The following CSMD1 variants were observed in gnomAD, a reference collection of about 807,000 sequenced individuals.
The protein encoded by CSMD1 is CUB and sushi domain-containing protein 1.
Under a neutral mutation model 417.5 loss-of-function variants are expected in CSMD1, and 213 were observed. That is an observed-to-expected ratio of 0.51 (90% CI 0.46 to 0.57). The LOEUF (loss-of-function observed/expected upper bound fraction) is 0.57, where lower values mean the gene tolerates loss of function less well. Among genes scored for constraint, CSMD1 ranks in the 20% least tolerant of loss-of-function variants. The pLI, the probability that CSMD1 is intolerant of heterozygous loss-of-function variation, is 0.00. For synonymous variants in CSMD1, 2,862 were observed against 1,736.8 expected (o/e 1.65, Z -16.11); for missense variants, 6,923 against 4,529.7 (o/e 1.53, Z -15.17).
At chr8:3,039,650 A>C (rs537439929) in intron 50 of CSMD1, among the ~76,000 whole-genome samples, 10 of 152,230 alleles carry the variant, frequency 6.6e-5, no homozygotes, top group African/African-American at 2.2e-4. Flanking sequence ...TATAAGCCCT[A>C]AATGACCTCG....
chr8:4,824,081 TCC>T (rs1491346347), intron 1 of CSMD1, among the ~76,000 whole-genome samples: 6 of 80,940 alleles, frequency 7.4e-5, no homozygotes, highest in South Asian at 4.2e-4. Context: ...CAAATAAATA[TCC>T]ACACACACAC....
intron 2 of CSMD1, among the ~76,000 whole-genome samples, chr8:4,614,119 TA>T (rs563458011): frequency 6.6e-6 from 1 of 152,056 alleles, no homozygotes; most frequent in South Asian, 2.1e-4. Context: ...AGAGATGCAA[TA>T]AAAACAATGA....
chr8:3,096,827 T>C lies in CSMD1; in HGVS notation c.7138+22A>G, dbSNP rs79386922. Reference sequence around the variant, plus strand: ...ATCAATGATGCCGAGGTCACTGCTCTACAAAGATTAAAGAAACTTACCATC... The same window carrying C: ...ATCAATGATGCCGAGGTCACTGCTCCACAAAGATTAAAGAAACTTACCATC... On this transcript the variant is annotated intron_variant, in intron 47 of 69. Coordinates refer to ENST00000635120, the MANE Select transcript of CSMD1 (RefSeq NM_033225.6). 1,310 of 1,499,824 alleles carry C rather than the reference T, an allele frequency of 8.7e-4. 6 individuals are homozygous for C. In the African/African-American group the frequency reaches 0.015, roughly 17 times the overall value. The allele number at this position is 1,499,824 out of a possible 1,614,324, so 92.9% of individuals were successfully genotyped here.
At chr8:3,914,265 G>A (rs1264824108) in intron 5 of CSMD1, among the ~76,000 whole-genome samples, 2 of 152,126 alleles carry the variant, frequency 1.3e-5, no homozygotes, top group Non-Finnish European at 2.9e-5. Flanking sequence ...TAGAGAGGTT[G>A]CATACTTTGG....
chr8:3,617,576 A>T (rs1802204502), intron 7 of CSMD1, among the ~76,000 whole-genome samples: 1 of 152,204 alleles, frequency 6.6e-6, no homozygotes, highest in African/African-American at 2.4e-5. Context: ...ACATTACAGG[A>T]TGCTAATAAA....
At chr8:3,543,322 G>C (rs956088752) in intron 10 of CSMD1, among the ~76,000 whole-genome samples, 1 of 152,166 alleles carries the variant, frequency 6.6e-6, no homozygotes, top group African/African-American at 2.4e-5. Context: ...TAGGGAGTGA[G>C]GTGAAAAGTC....
intron 1 of CSMD1, among the ~76,000 whole-genome samples, chr8:4,811,861 G>A (rs561460360): frequency 1.3e-5 from 2 of 152,024 alleles, no homozygotes; most frequent in South Asian, 2.1e-4. Context: ...TGAAATCAGT[G>A]CCACAGCTGC....
At chr8:3,165,335 T>A (rs1227682869) in intron 37 of CSMD1, among the ~76,000 whole-genome samples, 1 of 152,304 alleles carries the variant, frequency 6.6e-6, no homozygotes, top group Admixed American at 6.5e-5. Context: ...ATACTTTGCA[T>A]TTCTCTCATA....
intron 1 of CSMD1, among the ~76,000 whole-genome samples, chr8:4,978,256 G>A (rs79082223): frequency 2.0e-5 from 3 of 152,104 alleles, no homozygotes; most frequent in Non-Finnish European, 4.4e-5. Context: ...GTGTTCAAAG[G>A]GGGGACAGGC....
At chr8:4,112,415 A>C (rs1801904853) in intron 3 of CSMD1, among the ~76,000 whole-genome samples, 1 of 152,180 alleles carries the variant, frequency 6.6e-6, no homozygotes, top group African/African-American at 2.4e-5. Flanking sequence ...CTTGCCAGTA[A>C]ATATTTAATA....
chr8:3,896,221 C>G (rs1348411424), intron 5 of CSMD1, among the ~76,000 whole-genome samples: 3 of 152,140 alleles, frequency 2.0e-5, no homozygotes, highest in Non-Finnish European at 4.4e-5. Context: ...AATTCTATAG[C>G]CTGGTTGCTG....
At chr8:3,912,902 T>A (rs1427490386) in intron 5 of CSMD1, among the ~76,000 whole-genome samples, 2 of 152,150 alleles carry the variant, frequency 1.3e-5, no homozygotes, top group African/African-American at 4.8e-5. Context: ...GATCAATTAA[T>A]CAGCAGCTAT....
intron 5 of CSMD1, among the ~76,000 whole-genome samples, chr8:3,780,555 A>G (rs1799120480): frequency 6.6e-6 from 1 of 152,152 alleles, no homozygotes. Context: ...GCTTCAACAA[A>G]CTACTATTTT....
At chr8:4,402,402 C>G (rs1804703635) in intron 3 of CSMD1, among the ~76,000 whole-genome samples, 1 of 152,110 alleles carries the variant, frequency 6.6e-6, no homozygotes, top group Admixed American at 6.5e-5. Flanking sequence ...TCTCCGCTAG[C>G]CTTATTACTG....
At chr8:4,809,161 A>T (rs894724788) in intron 1 of CSMD1, among the ~76,000 whole-genome samples, 1 of 152,244 alleles carries the variant, frequency 6.6e-6, no homozygotes, top group East Asian at 1.9e-4. Flanking sequence ...TGTTACATAC[A>T]TTCATGATAA....
chr8:3,092,428 C>T (rs1166431338), intron 47 of CSMD1, among the ~76,000 whole-genome samples: 2 of 152,052 alleles, frequency 1.3e-5, no homozygotes, highest in Non-Finnish European at 2.9e-5. Flanking sequence ...AATTATAAAA[C>T]ATGCATAACC....
At chr8:4,022,767 G>A (rs111498458) in intron 4 of CSMD1, among the ~76,000 whole-genome samples, 33 of 152,262 alleles carry the variant, frequency 2.2e-4, no homozygotes, top group Middle Eastern at 3.4e-3. Context: ...GGGAATCAGA[G>A]AAAACAATTG....
At chr8:3,570,301 A>C (rs769381763) in intron 10 of CSMD1, among the ~76,000 whole-genome samples, 3 of 152,258 alleles carry the variant, frequency 2.0e-5, no homozygotes, top group Admixed American at 6.5e-5. Context: ...TGTGATGGAT[A>C]TCACTGGTCA....
At chr8:4,650,614 G>A (rs375485975) in intron 1 of CSMD1, among the ~76,000 whole-genome samples, 5 of 151,096 alleles carry the variant, frequency 3.3e-5, no homozygotes, top group East Asian at 3.9e-4. Context: ...AAGTATTTTG[G>A]CAAAAAGGAA....
Sources: gnomAD v4.1 joint callset for allele counts (sites outside exome capture counted in the v4.1 genomes callset) on GRCh38, gnomAD v4.1.1 for gene constraint, MANE v1.5 for transcripts, NCBI Gene and HGNC (gene_info 2026-07-23, HGNC 2026-07-21) for gene names.